ULK4: variants seen among roughly 807,000 people sequenced by gnomAD.
ULK4 encodes the protein unc-51 like kinase 4, also known as inactive serine/threonine-protein kinase ULK4.
A neutral mutation model predicts 160.6 loss-of-function variants in ULK4; 133 were observed. The observed-to-expected ratio is 0.83, with a 90% CI of 0.72 to 0.96. The LOEUF is 0.96. Ranked by LOEUF, ULK4 falls within the 40% of genes least tolerant of loss-of-function variation. The pLI is 0.00. For synonymous variants in ULK4, 534 were observed against 539.8 expected, an observed-to-expected ratio of 0.99 and a Z score of 0.15; for missense variants, 1,580 against 1,499.5, an observed-to-expected ratio of 1.05 and a Z score of -0.89.
chr3:41,757,484 T>C (rs1168487282), intron 21 of ULK4, among the ~76,000 whole-genome samples: 1 of 151,330 alleles, frequency 6.6e-6, no homozygotes, highest in Non-Finnish European at 1.5e-5. Context: ...TACAAAAAAT[T>C]AGCCAGGTGT....
chr3:41,404,878 T>C (rs190712105), intron 34 of ULK4, among the ~76,000 whole-genome samples: 53 of 152,340 alleles, frequency 3.5e-4, no homozygotes, highest in Admixed American at 1.7e-3. Context: ...TGTGAGTCAA[T>C]ACATTTCTGT....
chr3:41,731,113 T>G (rs2037806981), intron 22 of ULK4, among the ~76,000 whole-genome samples: 1 of 151,958 alleles, frequency 6.6e-6, no homozygotes, highest in Non-Finnish European at 1.5e-5. Context: ...GGAAAGCTTT[T>G]CCTCTAAATT....
chr3:41,783,986 C>G (rs187587044), intron 21 of ULK4, among the ~76,000 whole-genome samples: 1 of 152,058 alleles, frequency 6.6e-6, no homozygotes, highest in Admixed American at 6.6e-5. Flanking sequence ...AAACTCATAC[C>G]TAACCTACAA....
intron 20 of ULK4, 29 bp downstream of exon 20, chr3:41,800,103 C>T: frequency 6.5e-7 from 1 of 1,543,958 alleles, no homozygotes; most frequent in Non-Finnish European, 8.7e-7. Context: ...GATACCCAGA[C>T]ATATCCCCCA....
intron 21 of ULK4, among the ~76,000 whole-genome samples, chr3:41,765,691 A>G (rs1575668930): frequency 1.3e-5 from 2 of 152,354 alleles, no homozygotes; most frequent in East Asian, 1.9e-4. Flanking sequence ...TTCTTATACT[A>G]GAAAGACTCC....
intron 35 of ULK4, among the ~76,000 whole-genome samples, chr3:41,329,493 T>G (rs1575437896): frequency 1.3e-5 from 2 of 152,220 alleles, no homozygotes; most frequent in Non-Finnish European, 2.9e-5. Flanking sequence ...AAATTTCCCT[T>G]TACAACTTTC....
intron 23 of ULK4, among the ~76,000 whole-genome samples, chr3:41,717,344 T>C (rs893978501): frequency 5.9e-5 from 9 of 152,064 alleles, no homozygotes; most frequent in African/African-American, 1.2e-4. Flanking sequence ...ATAAATAAAT[T>C]TGTGCTCTAA....
intron 35 of ULK4, among the ~76,000 whole-genome samples, chr3:41,296,522 ACT>A (rs2079671227): frequency 6.6e-6 from 1 of 151,962 alleles, no homozygotes; most frequent in African/African-American, 2.4e-5. Flanking sequence ...AGGCAAGAAA[ACT>A]CTGCCCACCA....
At chr3:41,485,019 G>C (rs2084473916) in intron 32 of ULK4, among the ~76,000 whole-genome samples, 1 of 152,116 alleles carries the variant, frequency 6.6e-6, no homozygotes, top group African/African-American at 2.4e-5. Context: ...TAAAGAAAAA[G>C]TAATAACAGC....
chr3:41,698,126 C>T (rs1328498615), intron 27 of ULK4, among the ~76,000 whole-genome samples: 2 of 152,240 alleles, frequency 1.3e-5, no homozygotes, highest in Non-Finnish European at 2.9e-5. Context: ...GCTATACCAT[C>T]TAGGTTGGTG....
chr3:41,285,762 T>C (rs185120051), intron 35 of ULK4, among the ~76,000 whole-genome samples: 2 of 152,174 alleles, frequency 1.3e-5, no homozygotes, highest in East Asian at 3.9e-4. Flanking sequence ...AATAAAACAA[T>C]GGCAAAATAT....
chr3:41,875,879 A>G (rs1300348155), intron 17 of ULK4, among the ~76,000 whole-genome samples: 1 of 151,370 alleles, frequency 6.6e-6, no homozygotes, highest in Non-Finnish European at 1.5e-5. Context: ...TGATCAAAGT[A>G]GGTGCAACTA....
chr3:41,919,671 G>T, intron 6 of ULK4, 46 bp downstream of exon 6: 1 of 1,508,778 alleles, frequency 6.6e-7, no homozygotes, highest in East Asian at 2.3e-5. Flanking sequence ...ACTTAACCTG[G>T]TTTTTAGTCC....
chr3:41,397,219 G>A (rs2082081637), intron 35 of ULK4, among the ~76,000 whole-genome samples: 1 of 152,108 alleles, frequency 6.6e-6, no homozygotes, highest in Non-Finnish European at 1.5e-5. Context: ...TGTAGAAAGA[G>A]AATAGGTTTT....
At chr3:41,811,088 T>A (rs965171199) in intron 19 of ULK4, among the ~76,000 whole-genome samples, 34 of 152,134 alleles carry the variant, frequency 2.2e-4, no homozygotes, top group African/African-American at 8.0e-4. Flanking sequence ...AGTCTCGCTA[T>A]GTTGCCCAGG....
At chr3:41,948,148 G>A (rs1456053054) in intron 2 of ULK4, among the ~76,000 whole-genome samples, 1 of 151,944 alleles carries the variant, frequency 6.6e-6, no homozygotes, top group Non-Finnish European at 1.5e-5. Flanking sequence ...TGACGTAAGA[G>A]ACATCATGAA....
intron 22 of ULK4, among the ~76,000 whole-genome samples, chr3:41,754,038 C>T (rs1393721433): frequency 6.6e-6 from 1 of 152,120 alleles, no homozygotes; most frequent in Non-Finnish European, 1.5e-5. Flanking sequence ...GGAAACCACT[C>T]CCATGATCCA....
intron 5 of ULK4, among the ~76,000 whole-genome samples, chr3:41,921,659 T>G (rs527632074): frequency 6.6e-6 from 1 of 152,222 alleles, no homozygotes; most frequent in East Asian, 1.9e-4. Flanking sequence ...ATAAATGCAC[T>G]AATAAACAAT....
At chr3:41,590,493 G>A (rs904487310) in intron 31 of ULK4, among the ~76,000 whole-genome samples, 6 of 143,408 alleles carry the variant, frequency 4.2e-5, no homozygotes, top group African/African-American at 1.0e-4. Flanking sequence ...AAAATTAGCC[G>A]GGCATGGTGG....
Sources: allele counts gnomAD v4.1 joint callset (sites outside exome capture counted in the v4.1 genomes callset), GRCh38; gene constraint gnomAD v4.1.1; transcripts MANE v1.5; gene names NCBI Gene and HGNC (gene_info 2026-07-23, HGNC 2026-07-21).